Variants in ARHGEF1 observed in about 807,000 individuals in gnomAD.
ARHGEF1 encodes the protein 115 kDa guanine nucleotide exchange factor.
ARHGEF1 carries 40 observed loss-of-function variants against 119.7 expected under a neutral mutation model. The observed-to-expected ratio is 0.33, with a 90% CI of 0.26 to 0.44. The LOEUF (loss-of-function observed/expected upper bound fraction) is 0.44, where lower values mean the gene tolerates loss of function less well. Among genes scored for constraint, ARHGEF1 ranks in the 20% least tolerant of loss-of-function variants. The pLI is 1.00. For synonymous variants in ARHGEF1, 494 were observed against 521.0 expected (o/e 0.95, Z 0.71); for missense variants, 976 against 1,268.3 (o/e 0.77, Z 3.50).
intron 2 of ARHGEF1, chr19:41,929,631 C>G (rs1202529931): frequency 6.6e-6 from 1 of 152,652 alleles, no homozygotes; most frequent in Non-Finnish European, 1.5e-5. Context: ...CCCACCACCC[C>G]CGACTTTTCT....
Position 41,892,191 on chromosome 19 carries a change from C to T in ARHGEF1, c.324+68C>T. 1 of 1,565,476 alleles carries T rather than the reference C, an allele frequency of 6.4e-7. No homozygotes were observed. The highest frequency in any genetic ancestry group is 8.8e-7 in the Non-Finnish European group (1 of 1,141,426). On this transcript the variant is annotated intron_variant, in intron 5 of 28. Coordinates refer to ENST00000354532, the MANE Select transcript of ARHGEF1 (RefSeq NM_004706.4). The surrounding 1 kb of genome is among the most constrained non-coding windows in gnomAD (Gnocchi z 6.3). ...GGGCCTGCAGAGTCACCATGCGGTC[C>T]CCAGCCTCTGCCCTGAGGGCAGCTG...
Position 41,892,358 on chromosome 19 carries a change from G to A in ARHGEF1, c.352G>A (p.Val118Ile), listed in dbSNP as rs367629635. 7.4e-6 allele frequency: 12 copies of A among 1,613,900 alleles called. No homozygotes were observed. Among genetic ancestry groups the A allele is most frequent in the South Asian group, 3.3e-5 (3 of 91,088 alleles). Residue 118 changes from valine (V) to isoleucine (I), a missense_variant, in exon 6 of 29, where the codon GTC becomes ATC. Transcript: ENST00000354532. This position sits in a 1 kb window ranked among gnomAD's most constrained non-coding sequence, Gnocchi z 6.3. ...AVLRVPVPPN[V>I]AFELDRTRAD... The stretch of plus-strand genomic sequence containing the variant: ...TCTCCGGGTGCCGGTCCCTCCCAAC[G>A]TCGCCTTTGAACTTGGTAAGGAGAA...
At chr19:41,913,745 A>G (rs1197577886) in intron 18 of ARHGEF1, among the ~76,000 whole-genome samples, 1 of 119,334 alleles carries the variant, frequency 8.4e-6, no homozygotes, top group Non-Finnish European at 1.7e-5. Flanking sequence ...AAGATACTCC[A>G]TCCCCTCCTC....
upstream of ARHGEF1, among the ~76,000 whole-genome samples, chr19:41,919,711 G>A (rs2074826828): frequency 1.3e-5 from 2 of 152,178 alleles, no homozygotes; most frequent in South Asian, 4.2e-4. Context: ...CCAGCTGCCG[G>A]GGTCCTCTCA....
chr19:41,891,326 A>C (rs1447290212), intron 4 of ARHGEF1, among the ~76,000 whole-genome samples: 1 of 152,140 alleles, frequency 6.6e-6, no homozygotes, highest in Admixed American at 6.6e-5. Context: ...TGTGTCACCC[A>C]GGCTGGAGTG....
chr19:41,921,605 G>A (rs577812309), upstream of ARHGEF1, among the ~76,000 whole-genome samples: 2 of 152,224 alleles, frequency 1.3e-5, no homozygotes, highest in South Asian at 2.1e-4. This position sits in a 1 kb window ranked among gnomAD's most constrained non-coding sequence, Gnocchi z 4.4. Flanking sequence ...TGGAGGTCAC[G>A]GGAGAGCGAG....
chr19:41,910,843 G>C (rs2074747626), downstream of ARHGEF1, among the ~76,000 whole-genome samples: 1 of 152,106 alleles, frequency 6.6e-6, no homozygotes, highest in Non-Finnish European at 1.5e-5. This position sits in a 1 kb window ranked among gnomAD's most constrained non-coding sequence, Gnocchi z 4.4. Flanking sequence ...TCATGCTGGG[G>C]GCCACCAAGG....
chr19:41,925,150 T>C (rs782038061), intron 1 of ARHGEF1, among the ~76,000 whole-genome samples: 11 of 151,514 alleles, frequency 7.3e-5, no homozygotes, highest in Non-Finnish European at 1.2e-4. Context: ...TAAGTGGGGG[T>C]ATGCATAGTG....
chr19:41,894,439 G>T lies in ARHGEF1; in HGVS notation c.745-12G>T. On this transcript the variant is annotated splice_polypyrimidine_tract_variant and intron_variant, in intron 9 of 28. Coordinates refer to ENST00000354532, the MANE Select transcript of ARHGEF1 (RefSeq NM_004706.4). ...GATGCTTAGCCTGGTCTTCCTCCCC[G>T]CCCTCTCACAGGTGATGGGGAACCG... The T allele has an allele frequency of 1.3e-6, 2 of 1,544,048 alleles. No individual in the cohort carries two copies. Among genetic ancestry groups the T allele is most frequent in the Non-Finnish European group, 8.7e-7 (1 of 1,143,328 alleles).
rs782810433 is a variant in ARHGEF1, at chr19:41,888,219, C to T, written c.52C>T (p.Leu18=). ...CTCCCCAGGCCCCTCCCGGCCTGGCCTGGTTCCCGTCAGCATCATCGGGGC... is the reference window on the plus strand; with the variant it reads ...CTCCCCAGGCCCCTCCCGGCCTGGCTTGGTTCCCGTCAGCATCATCGGGGC... The part of the protein sequence containing the change: ...AASPGPSRPG[L]VPVSIIGAED... Residue 18 remains leucine (L), a synonymous_variant, in exon 3 of 29, where the codon CTG becomes TTG. Coordinates refer to ENST00000354532, the MANE Select transcript of ARHGEF1 (RefSeq NM_004706.4). This position sits in a 1 kb window ranked among gnomAD's most constrained non-coding sequence, Gnocchi z 5.1. 13 of 1,614,134 alleles carry T rather than the reference C, an allele frequency of 8.1e-6. No homozygotes were observed. In the Admixed American group the frequency reaches 2.0e-4, roughly 25 times the overall value.
At chr19:41,918,481 C>T (rs534584808), upstream of ARHGEF1, among the ~76,000 whole-genome samples, 209 of 145,694 alleles carry the variant, frequency 1.4e-3, no homozygotes, top group Middle Eastern at 0.011. Context: ...ACACGCACCA[C>T]GCACACCACA....
rs2074702925 is a variant in ARHGEF1 at position 41,906,661 on chromosome 19, G to A, written c.2655+41G>A. The A allele has an allele frequency of 6.3e-7, 1 of 1,599,026 alleles. No homozygotes were observed. The highest frequency in any genetic ancestry group is 8.5e-7 in the Non-Finnish European group (1 of 1,175,270). On this transcript the variant is annotated intron_variant, in intron 27 of 28. Coordinates refer to ENST00000354532, the MANE Select transcript of ARHGEF1 (RefSeq NM_004706.4). This position sits in a 1 kb window ranked among gnomAD's most constrained non-coding sequence, Gnocchi z 4.5. ...CCAGGGGTGCCCTGAGTGGGCTGGG[G>A]AAGGAAGGGGCCCCCCTCATCCATG...
At position 41,905,514 on chromosome 19, in the gene ARHGEF1, ACAGCATGTGCATGCATGTG is replaced by A. The variant is rs1555849954; in HGVS notation, c.2337-245_2337-227del. The A allele has an allele frequency of 5.1e-5, 31 of 612,848 alleles. 1 individual carries two copies. Among genetic ancestry groups the A allele is most frequent in the African/African-American group, 4.1e-4 (22 of 53,998 alleles). 38.0% of individuals were successfully genotyped at this position (612,848 alleles called of 1,614,324 possible). ...GTATGCATATGTGTGCATGCGTGTGACAGCATGTGCATGCATGTGTGTGTGTGTGCGCATGTGCCGACCC... is the reference window on the plus strand; with the variant it reads ...GTATGCATATGTGTGCATGCGTGTGATGTGTGTGTGCGCATGTGCCGACCC... On this transcript the variant is annotated intron_variant, in intron 24 of 28. Transcript: ENST00000354532. This position sits in a 1 kb window ranked among gnomAD's most constrained non-coding sequence, Gnocchi z 6.4.
In ARHGEF1 at chr19:41,902,100, G is replaced by T; in HGVS notation, c.1414+67G>T. 2 of 1,593,816 alleles carry T rather than the reference G, an allele frequency of 1.3e-6. No homozygotes were observed. Among genetic ancestry groups the T allele is most frequent in the South Asian group, 2.3e-5 (2 of 88,702 alleles). ...CACGGGCAGCTCTGCTCTAGCCCTGGGTTCAACCTGCTCGGGAACCCCAGG... is the reference window on the plus strand; with the variant it reads ...CACGGGCAGCTCTGCTCTAGCCCTGTGTTCAACCTGCTCGGGAACCCCAGG... On this transcript the variant is annotated intron_variant, in intron 15 of 28. Transcript: ENST00000354532. The surrounding 1 kb of genome is among the most constrained non-coding windows in gnomAD (Gnocchi z 6.5).
chr19:41,904,934 C>A lies in ARHGEF1; in HGVS notation c.2162-15C>A, dbSNP rs782205585. On this transcript the variant is annotated splice_polypyrimidine_tract_variant and intron_variant, in intron 22 of 28. Transcript: ENST00000354532. The surrounding 1 kb of genome is among the most constrained non-coding windows in gnomAD (Gnocchi z 8.4). ...GGACCTGGGCTCTGAGCCCCATCTC[C>A]CCCTCTCCCTGCAGATCACAAAGCC... 14 of 1,610,650 alleles carry A rather than the reference C, an allele frequency of 8.7e-6. No individual in the cohort carries two copies. The highest frequency in any genetic ancestry group is 1.2e-5 in the Non-Finnish European group (14 of 1,176,924).
upstream of ARHGEF1, among the ~76,000 whole-genome samples, chr19:41,921,374 C>T (rs139793677): frequency 4.6e-5 from 7 of 151,998 alleles, no homozygotes; most frequent in East Asian, 3.9e-4. This position sits in a 1 kb window ranked among gnomAD's most constrained non-coding sequence, Gnocchi z 4.4. Context: ...GGGGGATAGG[C>T]GGGACATGGG....
rs1032407654 is a variant in ARHGEF1, at chr19:41,897,914, T to G, written c.1122-528T>G. 4 of 1,287,086 alleles carry G rather than the reference T, an allele frequency of 3.1e-6. No individual in the cohort carries two copies. In the African/African-American group the frequency reaches 6.2e-5, roughly 20 times the overall value. 79.7% of individuals were successfully genotyped at this position (1,287,086 alleles called of 1,614,324 possible). On this transcript the variant is annotated intron_variant, in intron 13 of 28. Coordinates refer to ENST00000354532, the MANE Select transcript of ARHGEF1 (RefSeq NM_004706.4). ...TCTCCTTGTCTCTGTCCCCGGCATC[T>G]GCCTGACTCTGTCCTTGGCCTCGGG...
chr19:41,902,712 G>C lies in ARHGEF1; in HGVS notation c.1623+54G>C. 6.2e-7 allele frequency: 1 copy of C among 1,613,366 alleles called. No individual in the cohort carries two copies. The highest frequency in any genetic ancestry group is 8.5e-7 in the Non-Finnish European group (1 of 1,179,642). ...CAGGGAGGAGGGGCCTGGAGACCCA[G>C]ACTCCTAGGTGCCTGCGCCCTGGGG... is the stretch of plus-strand genomic sequence containing the variant. On this transcript the variant is annotated intron_variant, in intron 17 of 28. Transcript: ENST00000354532. This position sits in a 1 kb window ranked among gnomAD's most constrained non-coding sequence, Gnocchi z 6.5.
chr19:41,906,721 T>C lies in ARHGEF1; in HGVS notation c.2674T>C (p.Cys892Arg), dbSNP rs1555850315. ...CCACCAGGAGTTGGAGGAGGAATTT[T>C]GCCGCCTGAGACCCCTCCTGTCTCA... ...KQLEELEEEFCRLRPLLSQLG... is the reference protein window; with the variant it reads ...KQLEELEEEFRRLRPLLSQLG... Residue 892 changes from cysteine to arginine, a missense_variant, in exon 28 of 29, where the codon TGC (cysteine) becomes CGC (arginine). Around this residue, in one of 3 missense-constraint regions of ARHGEF1, gnomAD observed 171 missense variants for 180.6 expected, o/e 0.95. Transcript: ENST00000354532. The surrounding 1 kb of genome is among the most constrained non-coding windows in gnomAD (Gnocchi z 4.5). The C allele has an allele frequency of 1.2e-6, 2 of 1,609,726 alleles. No homozygotes were observed. Among genetic ancestry groups the C allele is most frequent in the Admixed American group, 3.4e-5 (2 of 58,838 alleles).
Sources: gnomAD v4.1 joint callset for allele counts (sites outside exome capture counted in the v4.1 genomes callset) on GRCh38, gnomAD v4.1.1 for gene constraint, gnomAD v4.1.1 regional missense constraint, Gnocchi (gnomAD v3.1) non-coding constraint, MANE v1.5 for transcripts, NCBI Gene and HGNC (gene_info 2026-07-23, HGNC 2026-07-21) for gene names.